The following ADGRL2 variants were observed in gnomAD, a reference collection of about 807,000 sequenced individuals.
ADGRL2 encodes the protein calcium-independent alpha-latrotoxin receptor 2.
In ADGRL2, 44 loss-of-function variants were observed where a neutral mutation model predicts 157.4. The observed-to-expected ratio is 0.28, with a 90% CI of 0.22 to 0.36. ADGRL2 has a LOEUF of 0.36. Among genes scored for constraint, ADGRL2 ranks in the 10% least tolerant of loss-of-function variants. ADGRL2 has a pLI of 1.00. For synonymous variants in ADGRL2, 585 were observed against 624.7 expected (o/e 0.94, Z 0.95); for missense variants, 1,510 against 1,768.9 (o/e 0.85, Z 2.63).
At chr1:81,327,257 G>A (rs1660967237) in intron 1 of ADGRL2, among the ~76,000 whole-genome samples, 1 of 152,162 alleles carries the variant, frequency 6.6e-6, no homozygotes, top group Non-Finnish European at 1.5e-5. Flanking sequence ...GGGACGGGAG[G>A]AAGGACATGT....
At chr1:81,949,526 C>T (rs1464818666) in intron 6 of ADGRL2, among the ~76,000 whole-genome samples, 1 of 152,206 alleles carries the variant, frequency 6.6e-6, no homozygotes, top group Non-Finnish European at 1.5e-5. Flanking sequence ...GATTCCACCT[C>T]TGACTGGAAC....
chr1:81,534,172 A>T (rs1437349959), intron 2 of ADGRL2, among the ~76,000 whole-genome samples: 1 of 151,334 alleles, frequency 6.6e-6, no homozygotes, highest in East Asian at 1.9e-4. Flanking sequence ...TTTATTTTTT[A>T]TTTTTTTGAA....
At chr1:81,667,027 C>G (rs1039652481) in intron 3 of ADGRL2, among the ~76,000 whole-genome samples, 1 of 152,128 alleles carries the variant, frequency 6.6e-6, no homozygotes, top group African/African-American at 2.4e-5. Flanking sequence ...TAATAGTGCA[C>G]ACACTGAACT....
In ADGRL2 at chr1:81,527,112, G is replaced by A. The variant is rs143281914; in HGVS notation, c.-247-53764G>A. ...CAGAATGTTTTCATTCAATAAAGTC[G>A]AATTCAGCATTTAATCTGTTAGGTA... On this transcript the variant is annotated intron_variant, in intron 2 of 24. Transcript: ENST00000370721. 8.7e-3 allele frequency among the ~76,000 whole-genome samples: 1,324 copies of A among 152,250 alleles called. 7 individuals carry two copies. The highest frequency in any genetic ancestry group is 0.013 in the Admixed American group (205 of 15,288).
chr1:81,513,170 AT>A, intron 2 of ADGRL2, among the ~76,000 whole-genome samples: 1 of 152,120 alleles, frequency 6.6e-6, no homozygotes, highest in African/African-American at 2.4e-5. Flanking sequence ...ACAGAGAGAG[AT>A]TTTTCATTTT....
intron 2 of ADGRL2, among the ~76,000 whole-genome samples, chr1:81,496,519 AAGCTGCAG>A (rs369729318): frequency 3.9e-5 from 6 of 152,288 alleles, no homozygotes; most frequent in African/African-American, 1.4e-4. Context: ...TCTAAACAAA[AAGCTGCAG>A]AGCTCTCCTA....
intron 1 of ADGRL2, among the ~76,000 whole-genome samples, chr1:81,756,367 A>G (rs2149288187): frequency 6.6e-6 from 1 of 152,122 alleles, no homozygotes; most frequent in South Asian, 2.1e-4. Flanking sequence ...CATTTTCTTA[A>G]TGCTTATGAT....
chr1:81,980,809 G>A, intron 18 of ADGRL2: 1 of 713,250 alleles, frequency 1.4e-6, no homozygotes, highest in Non-Finnish European at 2.6e-6. Flanking sequence ...TACCGTGTTT[G>A]TGATGGCTAC....
intron 3 of ADGRL2, among the ~76,000 whole-genome samples, chr1:81,690,791 C>A (rs1443115167): frequency 6.6e-6 from 1 of 152,142 alleles, no homozygotes; most frequent in Non-Finnish European, 1.5e-5. Flanking sequence ...AGTAAAATGT[C>A]ACCAAAAGGA....
At chr1:81,858,425 G>A (rs972116558) in intron 2 of ADGRL2, among the ~76,000 whole-genome samples, 1 of 152,056 alleles carries the variant, frequency 6.6e-6, no homozygotes, top group Admixed American at 6.6e-5. Flanking sequence ...GTAGTTGGTG[G>A]TGCAAAGAAC....
At chr1:81,488,600 T>C (rs2078560444) in intron 2 of ADGRL2, among the ~76,000 whole-genome samples, 1 of 150,890 alleles carries the variant, frequency 6.6e-6, no homozygotes, top group Admixed American at 6.6e-5. Flanking sequence ...TCCAGCTACC[T>C]GGGAGGCTGA....
intron 2 of ADGRL2, among the ~76,000 whole-genome samples, chr1:81,541,959 G>A (rs998513391): frequency 1.4e-3 from 212 of 152,142 alleles, no homozygotes; most frequent in African/African-American, 4.9e-3. Flanking sequence ...ACTCCATCTC[G>A]AAAAAGTAAA....
At chr1:81,766,406 T>C (rs1267011489) in intron 2 of ADGRL2, among the ~76,000 whole-genome samples, 1 of 152,202 alleles carries the variant, frequency 6.6e-6, no homozygotes, top group Non-Finnish European at 1.5e-5. Context: ...CAAATCAAAA[T>C]ATTTTAAAAG....
intron 2 of ADGRL2, among the ~76,000 whole-genome samples, chr1:81,523,254 C>G (rs2079367542): frequency 6.6e-6 from 1 of 151,876 alleles, no homozygotes; most frequent in Non-Finnish European, 1.5e-5. Context: ...AAAGTATTTC[C>G]AGAACAAGAT....
chr1:81,657,633 G>T (rs970279434), intron 3 of ADGRL2, among the ~76,000 whole-genome samples: 4 of 152,084 alleles, frequency 2.6e-5, no homozygotes, highest in African/African-American at 7.2e-5. Context: ...AGGGGTGTGT[G>T]TGTGCATGTA....
chr1:81,675,868 C>T (rs187345157), intron 3 of ADGRL2, among the ~76,000 whole-genome samples: 12 of 152,278 alleles, frequency 7.9e-5, no homozygotes, highest in African/African-American at 2.4e-4. Context: ...GCATGAGCCA[C>T]TGTGCCCGGC....
chr1:81,435,070 C>G (rs1358043347), intron 1 of ADGRL2, among the ~76,000 whole-genome samples: 1 of 152,120 alleles, frequency 6.6e-6, no homozygotes, highest in East Asian at 1.9e-4. Flanking sequence ...TTTACTTATA[C>G]TCTATATTAA....
intron 2 of ADGRL2, among the ~76,000 whole-genome samples, chr1:81,510,276 C>T (rs892640603): frequency 1.3e-5 from 2 of 152,076 alleles, no homozygotes; most frequent in African/African-American, 4.8e-5. Flanking sequence ...AGGTGCATAT[C>T]CTCTAGTTTA....
At chr1:81,909,620 G>A (rs1472542989) in intron 3 of ADGRL2, among the ~76,000 whole-genome samples, 1 of 152,078 alleles carries the variant, frequency 6.6e-6, no homozygotes, top group Admixed American at 6.6e-5. Flanking sequence ...GTATGTTTTT[G>A]AATATTAAGT....
Sources: gnomAD v4.1 joint callset for allele counts (sites outside exome capture counted in the v4.1 genomes callset) on GRCh38, gnomAD v4.1.1 for gene constraint, MANE v1.5 for transcripts, NCBI Gene and HGNC (gene_info 2026-07-23, HGNC 2026-07-21) for gene names.